PIAS2: variants seen among roughly 807,000 people sequenced by gnomAD.
PIAS2 encodes protein inhibitor of activated STAT 2.
A neutral mutation model predicts 69.7 loss-of-function variants in PIAS2; 19 were observed. That is an observed-to-expected ratio of 0.27 (90% CI 0.19 to 0.40). The LOEUF (loss-of-function observed/expected upper bound fraction) is 0.40. PIAS2 is among the 10% of genes least tolerant of loss of function. PIAS2 has a pLI of 1.00. For missense variants in PIAS2, 624 were observed against 757.0 expected (o/e 0.82, Z 2.06); for synonymous variants, 261 against 263.2 (o/e 0.99, Z 0.08).
chr18:46,919,951 G>C, upstream of PIAS2: 1 of 665,548 alleles, frequency 1.5e-6, no homozygotes. Flanking sequence ...GGGAATAGAC[G>C]AATAGAGTAC....
chr18:46,837,874 A>G (rs528924210), intron 8 of PIAS2, among the ~76,000 whole-genome samples: 3 of 152,344 alleles, frequency 2.0e-5, no homozygotes, highest in Admixed American at 6.5e-5. Context: ...AAGACGGTCT[A>G]GATCTCTGCT....
chr18:46,829,654 G>T, intron 10 of PIAS2, 80 bp downstream of exon 10: 1 of 1,236,590 alleles, frequency 8.1e-7, no homozygotes, highest in Non-Finnish European at 1.1e-6. Flanking sequence ...AATTCCAAAC[G>T]TATAGTTCTA....
At chr18:46,815,213 G>C (rs1274731672) in intron 13 of PIAS2, 99 bp downstream of exon 13, 1 of 904,986 alleles carries the variant, frequency 1.1e-6, no homozygotes, top group Non-Finnish European at 1.8e-6. Flanking sequence ...AAGTAATTCA[G>C]AGATGACTGT....
chr18:46,823,846 C>G (rs115528593), intron 11 of PIAS2, among the ~76,000 whole-genome samples: 1 of 152,234 alleles, frequency 6.6e-6, no homozygotes, highest in African/African-American at 2.4e-5. Context: ...CTTTTGTTAT[C>G]AAAATCTTCA....
At position 46,807,038 on chromosome 18, in the gene PIAS2, T is replaced by C. The variant is rs2040721200; in HGVS notation, c.*5395A>G. The C allele has an allele frequency of 1.8e-5, 1 of 56,640 alleles. No homozygotes were observed. The highest frequency in any genetic ancestry group is 3.9e-4 in the East Asian group (1 of 2,580). 3.5% of individuals were successfully genotyped at this position (56,640 alleles called of 1,614,324 possible). ...GGGAATATAAAGTGAAAACAGGCAATGTTTGCCTGTTTTTATAGCTTTTAG... is the reference window on the plus strand; with the variant it reads ...GGGAATATAAAGTGAAAACAGGCAACGTTTGCCTGTTTTTATAGCTTTTAG... On this transcript the variant is annotated 3_prime_UTR_variant, in exon 14 of 14. Coordinates refer to ENST00000585916, the MANE Select transcript of PIAS2 (RefSeq NM_004671.5).
Position 46,805,090 on chromosome 18 carries a change from A to T in PIAS2, c.*7343T>A, listed in dbSNP as rs554371044. 1 of 152,360 alleles carries T rather than the reference A, an allele frequency of 6.6e-6. No homozygotes were observed. The highest frequency in any genetic ancestry group is 2.1e-4 in the South Asian group (1 of 4,818). 9.4% of individuals were successfully genotyped at this position (152,360 alleles called of 1,614,324 possible). On this transcript the variant is annotated 3_prime_UTR_variant, in exon 14 of 14. Transcript: ENST00000585916. ...CTTTCGGACTGTCCCTTCTGTTTGA[A>T]TTAAGCAGCAAAGTCATCTTCTGAG...
intron 9 of PIAS2, among the ~76,000 whole-genome samples, chr18:46,835,030 AG>A (rs1197525841): frequency 6.6e-6 from 1 of 152,228 alleles, no homozygotes; most frequent in East Asian, 1.9e-4. Context: ...CTAACATCAC[AG>A]GGCAATTTTA....
intron 11 of PIAS2, among the ~76,000 whole-genome samples, chr18:46,823,072 A>AC (rs2042357109): frequency 9.5e-6 from 1 of 104,776 alleles, no homozygotes; most frequent in South Asian, 3.0e-4. Flanking sequence ...CCTTGTATCT[A>AC]CAAAAAAAAA....
In PIAS2 at chr18:46,894,734, C is replaced by T. The variant is rs114467524; in HGVS notation, c.25-3680G>A. Reference sequence around the variant, plus strand: ...TATTATATAATTGAAACACTACATACAAAGATGAAGGCAAGCTGAAGGTGC... The same window carrying T: ...TATTATATAATTGAAACACTACATATAAAGATGAAGGCAAGCTGAAGGTGC... On this transcript the variant is annotated intron_variant, in intron 1 of 13. Coordinates refer to ENST00000585916, the MANE Select transcript of PIAS2 (RefSeq NM_004671.5). 2.7e-3 allele frequency among the ~76,000 whole-genome samples: 416 copies of T among 151,924 alleles called. 2 individuals carry two copies. The highest frequency in any genetic ancestry group is 9.7e-3 in the African/African-American group (401 of 41,428).
At chr18:46,866,162 G>A (rs865775126) in intron 2 of PIAS2, among the ~76,000 whole-genome samples, 1 of 152,108 alleles carries the variant, frequency 6.6e-6, no homozygotes, top group Non-Finnish European at 1.5e-5. Flanking sequence ...ACTACTTGCA[G>A]AAATAATGAA....
At chr18:46,828,189 G>C in intron 10 of PIAS2, 59 bp from the exon 11 acceptor site, 2 of 1,414,956 alleles carry the variant, frequency 1.4e-6, no homozygotes, top group Non-Finnish European at 1.9e-6. Flanking sequence ...ATAAACTCTA[G>C]TGGTAGAGTC....
intron 6 of PIAS2, among the ~76,000 whole-genome samples, chr18:46,845,170 G>C (rs1356952810): frequency 6.6e-6 from 1 of 152,122 alleles, no homozygotes. Flanking sequence ...ACCCTCCTAT[G>C]ACTAACCAGA....
intron 2 of PIAS2, among the ~76,000 whole-genome samples, chr18:46,870,314 A>T (rs1213926227): frequency 6.6e-6 from 1 of 152,100 alleles, no homozygotes; most frequent in Non-Finnish European, 1.5e-5. Flanking sequence ...AGAAGTTCGA[A>T]ATTTAAAAAA....
intron 3 of PIAS2, among the ~76,000 whole-genome samples, chr18:46,863,682 T>G (rs2049000833): frequency 6.6e-6 from 1 of 152,156 alleles, no homozygotes. Context: ...GGTTAAAAAT[T>G]TTATTCTAAC....
chr18:46,858,339 C>T (rs557276827), intron 3 of PIAS2, among the ~76,000 whole-genome samples: 28 of 151,944 alleles, frequency 1.8e-4, no homozygotes, highest in Non-Finnish European at 4.0e-4. Context: ...ACTGAATGGG[C>T]TTTAGAAAGA....
intron 8 of PIAS2, among the ~76,000 whole-genome samples, chr18:46,843,364 T>C (rs1419561266): frequency 6.6e-6 from 1 of 152,198 alleles, no homozygotes; most frequent in Non-Finnish European, 1.5e-5. Context: ...TCTCATTAAG[T>C]TCTTCTTAAC....
chr18:46,827,935 A>G (rs1208532017), intron 11 of PIAS2, 24 bp downstream of exon 11: 1 of 1,605,738 alleles, frequency 6.2e-7, no homozygotes, highest in African/African-American at 1.3e-5. Context: ...GTAATGAACA[A>G]TAGTGAACTA....
intron 3 of PIAS2, among the ~76,000 whole-genome samples, chr18:46,863,396 C>T (rs1227932450): frequency 6.6e-6 from 1 of 152,122 alleles, no homozygotes; most frequent in Non-Finnish European, 1.5e-5. Flanking sequence ...ATCACAACAG[C>T]TCACTGCAGC....
At chr18:46,889,075 G>C (rs1442027067) in intron 2 of PIAS2, among the ~76,000 whole-genome samples, 1 of 152,050 alleles carries the variant, frequency 6.6e-6, no homozygotes, top group Non-Finnish European at 1.5e-5. Context: ...TACCATATAC[G>C]AAAATTAACT....
Sources: gnomAD v4.1 joint callset for allele counts (sites outside exome capture counted in the v4.1 genomes callset) on GRCh38, gnomAD v4.1.1 for gene constraint, MANE v1.5 for transcripts, NCBI Gene and HGNC (gene_info 2026-07-23, HGNC 2026-07-21) for gene names.